GPC6: variants seen among roughly 807,000 people sequenced by gnomAD.
The protein encoded by GPC6 is glypican 6, also known as glypican-6.
A neutral mutation model predicts 55.2 loss-of-function variants in GPC6; 14 were observed. That is an observed-to-expected ratio of 0.25 (90% confidence interval 0.17 to 0.40). The LOEUF (loss-of-function observed/expected upper bound fraction) is 0.40, where lower values mean the gene tolerates loss of function less well. Ranked by LOEUF, GPC6 falls within the 10% of genes least tolerant of loss-of-function variation. The probability of loss-of-function intolerance (pLI) is 1.00; values close to 1 mark genes in which losing one functional copy is unlikely to be tolerated. For missense variants in GPC6, 641 were observed against 708.5 expected (o/e 0.90, Z 1.08); for synonymous variants, 278 against 259.6 (o/e 1.07, Z -0.68).
In GPC6 at chr13:93,727,499, G is replaced by A. The variant is rs553023405; in HGVS notation, c.320-102655G>A. On this transcript the variant is annotated intron_variant, in intron 2 of 8. Transcript: ENST00000377047. ...CCAGCTTACACTCTTGCCCTTCCCCGTGGTTTATGTTTTATAAACAGCCAT... is the reference window on the plus strand; with the variant it reads ...CCAGCTTACACTCTTGCCCTTCCCCATGGTTTATGTTTTATAAACAGCCAT... Among the ~76,000 whole-genome samples the A allele has an allele frequency of 1.6e-4, 23 of 142,946 alleles. No homozygotes were observed. In the East Asian group the frequency reaches 3.5e-3, roughly 22 times the overall value. 93.8% of individuals were successfully genotyped at this position (142,946 alleles called of 152,430 possible).
chr13:93,819,399 C>G (rs1471315550), intron 2 of GPC6, among the ~76,000 whole-genome samples: 1 of 152,026 alleles, frequency 6.6e-6, no homozygotes, highest in African/African-American at 2.4e-5. Flanking sequence ...ATACTACCAT[C>G]ATGATTTGGA....
chr13:93,542,341 C>T (rs182012008), intron 1 of GPC6, among the ~76,000 whole-genome samples: 130 of 152,084 alleles, frequency 8.5e-4, no homozygotes, highest in Middle Eastern at 6.8e-3. Context: ...TGTAGATATG[C>T]GGCATTATTT....
At chr13:93,961,991 A>G (rs532472318) in intron 3 of GPC6, among the ~76,000 whole-genome samples, 2 of 152,318 alleles carry the variant, frequency 1.3e-5, no homozygotes, top group South Asian at 2.1e-4. Context: ...GAGGCTGTTC[A>G]CCAAACATGT....
chr13:93,536,029 G>A (rs1176580413), intron 1 of GPC6, among the ~76,000 whole-genome samples: 1 of 151,896 alleles, frequency 6.6e-6, no homozygotes, highest in Non-Finnish European at 1.5e-5. Context: ...TTCCAACATC[G>A]GGATGCTTCA....
chr13:93,491,006 A>C (rs1190780077), intron 1 of GPC6, among the ~76,000 whole-genome samples: 4 of 72,080 alleles, frequency 5.5e-5, no homozygotes, highest in Non-Finnish European at 1.1e-4. Context: ...TTATAGCAGC[A>C]TGATTTATAG....
intron 4 of GPC6, among the ~76,000 whole-genome samples, chr13:94,272,719 T>C (rs564462718): frequency 7.2e-5 from 11 of 152,118 alleles, no homozygotes; most frequent in East Asian, 1.9e-4. Context: ...CCGCCCACCT[T>C]GGCCTCCCAA....
Position 93,882,468 on chromosome 13 carries a change from TC to T in GPC6, c.711+51926del, listed in dbSNP as rs1292694269. On this transcript the variant is annotated intron_variant, in intron 3 of 8. Transcript: ENST00000377047. ...GCAGTTTTCCAAAGTTTAAGTCACC[TC>T]CCAATCCCTTCAGATTGTTTATATC... 2.0e-5 allele frequency among the ~76,000 whole-genome samples: 3 copies of T among 152,178 alleles called. No individual in the cohort carries two copies. The South Asian group carries it at 6.2e-4, about 32-fold the overall frequency.
At chr13:93,881,299 G>A (rs1874959474) in intron 3 of GPC6, among the ~76,000 whole-genome samples, 1 of 152,100 alleles carries the variant, frequency 6.6e-6, no homozygotes, top group African/African-American at 2.4e-5. Flanking sequence ...GCAGTGATAG[G>A]TGTTTGCAAT....
chr13:94,147,209 A>G (rs1458288422), intron 4 of GPC6, among the ~76,000 whole-genome samples: 1 of 152,060 alleles, frequency 6.6e-6, no homozygotes, highest in Non-Finnish European at 1.5e-5. Flanking sequence ...TAAGTCCTTC[A>G]TTTTCCTATC....
chr13:93,493,465 A>G lies in GPC6; in HGVS notation c.161-51798A>G, dbSNP rs1397176617. 2.8e-5 allele frequency among the ~76,000 whole-genome samples: 3 copies of G among 108,162 alleles called. 1 individual carries two copies. Among genetic ancestry groups the G allele is most frequent in the Non-Finnish European group, 5.9e-5 (3 of 50,902 alleles). The allele number at this position is 108,162 out of a possible 152,430, so 71.0% of individuals were successfully genotyped here. A position where few individuals can be genotyped will look rare whatever the true frequency, so the allele number is the denominator to read the frequency against. ...TCTATCAATTTTGTTGATCCTTTCAAAAAACCAGCTCCTGGATTCCTTGAT... is the reference window on the plus strand; with the variant it reads ...TCTATCAATTTTGTTGATCCTTTCAGAAAACCAGCTCCTGGATTCCTTGAT... On this transcript the variant is annotated intron_variant, in intron 1 of 8. Coordinates refer to ENST00000377047, the MANE Select transcript of GPC6 (RefSeq NM_005708.5).
chr13:94,342,400 GA>G (rs1357598243), intron 6 of GPC6, among the ~76,000 whole-genome samples: 8 of 152,270 alleles, frequency 5.3e-5, no homozygotes, highest in African/African-American at 1.7e-4. Flanking sequence ...AGACCCAGAG[GA>G]GGCACATACA....
chr13:93,470,891 C>T (rs9516237), intron 1 of GPC6, among the ~76,000 whole-genome samples: 44,409 of 151,782 alleles, frequency 0.29, 6,627 homozygotes, highest in Admixed American at 0.34. Context: ...GGAATTGGTC[C>T]TTTTCAACTA....
At chr13:93,909,810 T>A (rs1423031938) in intron 3 of GPC6, among the ~76,000 whole-genome samples, 3 of 152,152 alleles carry the variant, frequency 2.0e-5, no homozygotes, top group African/African-American at 7.2e-5. Flanking sequence ...GCTTTCCAGT[T>A]TTCATTTTCC....
chr13:94,314,698 G>GCTGT (rs1675815743), intron 6 of GPC6, among the ~76,000 whole-genome samples: 1 of 152,136 alleles, frequency 6.6e-6, no homozygotes, highest in African/African-American at 2.4e-5. Flanking sequence ...TTTTCTCTTA[G>GCTGT]CTGTCTGAGA....
chr13:94,121,252 C>T (rs1886619562), intron 4 of GPC6, among the ~76,000 whole-genome samples: 1 of 152,128 alleles, frequency 6.6e-6, no homozygotes, highest in Non-Finnish European at 1.5e-5. Context: ...TATCTTCATT[C>T]TTGTGTTCCC....
At chr13:93,744,303 A>G (rs1884310208) in intron 2 of GPC6, among the ~76,000 whole-genome samples, 1 of 151,988 alleles carries the variant, frequency 6.6e-6, no homozygotes, top group African/African-American at 2.4e-5. Flanking sequence ...CTCAGTCCTT[A>G]CATTGATGAA....
chr13:93,978,145 A>G (rs1324128060), intron 3 of GPC6, among the ~76,000 whole-genome samples: 1 of 152,162 alleles, frequency 6.6e-6, no homozygotes, highest in Non-Finnish European at 1.5e-5. Context: ...TTGAAGATGG[A>G]GGAAGTGGCC....
At position 93,824,835 on chromosome 13, in the gene GPC6, A is replaced by G. The variant is rs530448515; in HGVS notation, c.320-5319A>G. 9.2e-5 allele frequency among the ~76,000 whole-genome samples: 14 copies of G among 152,194 alleles called. No homozygotes were observed. In the East Asian group the frequency reaches 2.5e-3, roughly 27 times the overall value. The stretch of plus-strand genomic sequence containing the variant: ...AACCAAAGGAGTCAGGATGTATTTC[A>G]CTGGATGGTCATGTTCATCCATCGA... On this transcript the variant is annotated intron_variant, in intron 2 of 8. Transcript: ENST00000377047.
In GPC6 at chr13:94,341,815, A is replaced by G. The variant is rs149473341; in HGVS notation, c.1152+35692A>G. The stretch of plus-strand genomic sequence containing the variant: ...CGAGTAAGGTTTCAGTTCACAGACC[A>G]GCAATTAATGAATGATATTAATAAT... On this transcript the variant is annotated intron_variant, in intron 6 of 8. Transcript: ENST00000377047. Among the ~76,000 whole-genome samples the G allele has an allele frequency of 2.3e-3, 352 of 152,358 alleles. 1 individual carries two copies. The highest frequency in any genetic ancestry group is 3.8e-3 in the Non-Finnish European group (258 of 68,036).
Sources: gnomAD v4.1 joint callset for allele counts (sites outside exome capture counted in the v4.1 genomes callset) on GRCh38, gnomAD v4.1.1 for gene constraint, MANE v1.5 for transcripts, NCBI Gene and HGNC (gene_info 2026-07-23, HGNC 2026-07-21) for gene names.